Variants in SF3B3 observed in about 807,000 individuals in gnomAD.
SF3B3 encodes the protein SAP 130.
A neutral mutation model predicts 139.2 loss-of-function variants in SF3B3; 33 were observed. The ratio of observed to expected loss-of-function variants is 0.24; its 90% CI spans 0.18 to 0.32. The LOEUF is 0.32. Among genes scored for constraint, SF3B3 ranks in the 10% least tolerant of loss-of-function variants. SF3B3 has a pLI of 1.00. For missense variants in SF3B3, 818 were observed against 1,509.4 expected (o/e 0.54, Z 7.59); for synonymous variants, 596 against 563.6 (o/e 1.06, Z -0.81).
chr16:70,560,414 C>T, intron 15 of SF3B3, 55 bp from the exon 16 acceptor site: 9 of 1,593,118 alleles, frequency 5.6e-6, no homozygotes, highest in Non-Finnish European at 7.7e-6. Context: ...GAGGTTTTCC[C>T]ATCATAGCTG....
chr16:70,526,482 G>C, intron 1 of SF3B3, 105 bp from the exon 2 acceptor site: 1 of 576,336 alleles, frequency 1.7e-6, no homozygotes, highest in South Asian at 2.2e-5. Flanking sequence ...TTTCTTAATA[G>C]GGCTTGCTCT....
At chr16:70,538,144 A>G (rs1212342077) in intron 6 of SF3B3, 179 bp from the exon 7 acceptor site, 1 of 734,622 alleles carries the variant, frequency 1.4e-6, no homozygotes, top group Admixed American at 1.8e-5. Context: ...TTTATTAGAT[A>G]TTTATATTAG....
chr16:70,568,637 C>A, intron 22 of SF3B3, 142 bp downstream of exon 22: 1 of 667,880 alleles, frequency 1.5e-6, no homozygotes, highest in Non-Finnish European at 2.6e-6. Context: ...ACTCTACAAG[C>A]AATCTGTTCT....
chr16:70,531,377 C>T (rs1013665881), intron 4 of SF3B3, among the ~76,000 whole-genome samples: 55 of 152,170 alleles, frequency 3.6e-4, no homozygotes, highest in African/African-American at 1.1e-3. Context: ...AATCTCAGCT[C>T]GCTGCAACCT....
rs746285660 is a variant in SF3B3, at chr16:70,568,504, A to T, written c.3165+9A>T. 11 of 1,608,872 alleles carry T rather than the reference A, an allele frequency of 6.8e-6. No individual in the cohort carries two copies. The South Asian group carries it at 1.1e-4, about 16-fold the overall frequency. On this transcript the variant is annotated intron_variant, in intron 22 of 25. Coordinates refer to ENST00000302516, the MANE Select transcript of SF3B3 (RefSeq NM_012426.5). ...TTGGCAACATATGTGTGGTGAGTTG[A>T]TGTTGTTAACTTGGGTTACAGTGAT...
chr16:70,565,494 C>A lies in SF3B3; in HGVS notation c.2796C>A (p.Asn932Lys). Residue 932 changes from asparagine to lysine, a missense_variant, in exon 20 of 26, where the codon AAC becomes AAA. Around this residue, in one of 14 missense-constraint regions of SF3B3, gnomAD observed 145 missense variants for 153.6 expected, o/e 0.94. Coordinates refer to ENST00000302516, the MANE Select transcript of SF3B3 (RefSeq NM_012426.5). ...TCGTCTATACTTACAAGCTTGTGAA[C>A]AATGGGGAAAAACTGGAGTTTTTGC... ...GGFVYTYKLV[N>K]NGEKLEFLHK... 6.2e-7 allele frequency: 1 copy of A among 1,613,982 alleles called. No homozygotes were observed. Among genetic ancestry groups the A allele is most frequent in the Non-Finnish European group, 8.5e-7 (1 of 1,179,978 alleles).
chr16:70,554,407 G>T (rs757799719), intron 11 of SF3B3, 39 bp from the exon 12 acceptor site: 1 of 1,601,080 alleles, frequency 6.2e-7, no homozygotes, highest in Non-Finnish European at 8.5e-7. Context: ...TAATTCTAAT[G>T]AGTTCTTATC....
chr16:70,535,423 A>G lies in SF3B3; in HGVS notation c.825+3A>G, dbSNP rs199524124. The G allele has an allele frequency of 3.6e-4, 546 of 1,520,156 alleles. No individual in the cohort carries two copies. Among genetic ancestry groups the G allele is most frequent in the Non-Finnish European group, 4.6e-4 (506 of 1,097,444 alleles). The allele number at this position is 1,520,156 out of a possible 1,614,324, so 94.2% of individuals were successfully genotyped here. On this transcript the variant is annotated splice_donor_region_variant and intron_variant, in intron 6 of 25. Coordinates refer to ENST00000302516, the MANE Select transcript of SF3B3 (RefSeq NM_012426.5). ...GCTGTCCAATTCCCAGGAGGCGGGT[A>G]AGATCTTTGATATAAGAAGAGAGAG...
At chr16:70,552,781 T>G (rs1426251874) in intron 11 of SF3B3, among the ~76,000 whole-genome samples, 3 of 152,246 alleles carry the variant, frequency 2.0e-5, no homozygotes, top group Non-Finnish European at 4.4e-5. Flanking sequence ...ACAGTAATTA[T>G]CCTACTATAT....
chr16:70,569,896 T>C, intron 23 of SF3B3, 110 bp from the exon 24 acceptor site: 2 of 1,236,972 alleles, frequency 1.6e-6, no homozygotes, highest in Non-Finnish European at 2.3e-6. Flanking sequence ...ATAATAATTT[T>C]TGGATGTTAA....
intron 3 of SF3B3, 87 bp downstream of exon 3, chr16:70,529,286 C>A: frequency 1.8e-6 from 2 of 1,083,218 alleles, no homozygotes; most frequent in Non-Finnish European, 2.7e-6. Context: ...CAATTAATTA[C>A]TTATGTGGGT....
At position 70,557,032 on chromosome 16, in the gene SF3B3, A is replaced by G; in HGVS notation, c.2010+3A>G. On this transcript the variant is annotated splice_donor_region_variant and intron_variant, in intron 15 of 25. Coordinates refer to ENST00000302516, the MANE Select transcript of SF3B3 (RefSeq NM_012426.5). Reference sequence around the variant, plus strand: ...TATACCTGAATATTGGGCTACAGGTAAGAGATCCAGAGGCCCACATTGTGG... The same window carrying G: ...TATACCTGAATATTGGGCTACAGGTGAGAGATCCAGAGGCCCACATTGTGG... 6.2e-7 allele frequency: 1 copy of G among 1,604,790 alleles called. No individual in the cohort carries two copies. The highest frequency in any genetic ancestry group is 8.5e-7 in the Non-Finnish European group (1 of 1,176,380).
chr16:70,546,033 C>T (rs1169965513), intron 10 of SF3B3, among the ~76,000 whole-genome samples: 1 of 152,172 alleles, frequency 6.6e-6, no homozygotes, highest in Non-Finnish European at 1.5e-5. Context: ...TGAGACTTTG[C>T]TTCACTGTAG....
chr16:70,545,883 T>A (rs1301376649), intron 10 of SF3B3, among the ~76,000 whole-genome samples: 1 of 152,238 alleles, frequency 6.6e-6, no homozygotes, highest in Admixed American at 6.5e-5. Flanking sequence ...TTCAGGGAAT[T>A]TGAAAATGTT....
At chr16:70,570,379 G>A (rs1405250248) in intron 24 of SF3B3, among the ~76,000 whole-genome samples, 4 of 147,366 alleles carry the variant, frequency 2.7e-5, no homozygotes, top group Non-Finnish European at 5.9e-5. Context: ...TACCCGGGCT[G>A]GAGTGCAGTG....
chr16:70,525,908 C>A (rs1031308620), intron 1 of SF3B3, among the ~76,000 whole-genome samples: 2 of 144,680 alleles, frequency 1.4e-5, no homozygotes, highest in Admixed American at 7.3e-5. Context: ...TTGCAGTAAG[C>A]CAAGATGGCG....
chr16:70,561,128 G>T (rs1401791890), intron 16 of SF3B3, among the ~76,000 whole-genome samples: 2 of 152,030 alleles, frequency 1.3e-5, no homozygotes, highest in Admixed American at 6.6e-5. Flanking sequence ...TCAACCAATT[G>T]TCTTTCCTCA....
At chr16:70,562,954 G>C (rs2050443319) in intron 17 of SF3B3, among the ~76,000 whole-genome samples, 1 of 151,910 alleles carries the variant, frequency 6.6e-6, no homozygotes, top group African/African-American at 2.4e-5. Flanking sequence ...AACCTCCCAA[G>C]TACCTGGTGG....
In SF3B3 at chr16:70,535,361, A is replaced by C; in HGVS notation, c.766A>C (p.Ile256Leu). 1 of 1,612,332 alleles carries C rather than the reference A, an allele frequency of 6.2e-7. No homozygotes were observed. Among genetic ancestry groups the C allele is most frequent in the Non-Finnish European group, 8.5e-7 (1 of 1,179,036 alleles). ...AGTACTGATCTGCTCTGAAAACTAT[A>C]TTACTTACAAGAACTTTGGTGACCA... Reference protein sequence around the residue: ...SGVLICSENYITYKNFGDQPD... With the variant: ...SGVLICSENYLTYKNFGDQPD... Residue 256 changes from isoleucine (I) to leucine (L), a missense_variant, in exon 6 of 26, where the codon ATT (isoleucine) becomes CTT (leucine). Physicochemically the swap from Ile to Leu is conservative, Grantham distance 5. Around this residue, in one of 14 missense-constraint regions of SF3B3, gnomAD observed 80 missense variants for 206.5 expected, o/e 0.39. Coordinates refer to ENST00000302516, the MANE Select transcript of SF3B3 (RefSeq NM_012426.5).
Sources: allele counts gnomAD v4.1 joint callset (sites outside exome capture counted in the v4.1 genomes callset), GRCh38; gene constraint gnomAD v4.1.1; regional missense constraint gnomAD v4.1.1; transcripts MANE v1.5; gene names NCBI Gene and HGNC (gene_info 2026-07-23, HGNC 2026-07-21).